Variants in ERBB4 observed in about 807,000 individuals in gnomAD.
ERBB4 encodes the protein erb-b2 receptor tyrosine kinase 4.
A neutral mutation model predicts 158.0 loss-of-function variants in ERBB4; 42 were observed. The ratio of observed to expected loss-of-function variants is 0.27; its 90% CI spans 0.21 to 0.34. The LOEUF is 0.34. Among genes scored for constraint, ERBB4 ranks in the 10% least tolerant of loss-of-function variants. The probability of loss-of-function intolerance (pLI) is 1.00; values close to 1 mark genes in which losing one functional copy is unlikely to be tolerated. For synonymous variants in ERBB4, 583 were observed against 558.7 expected (o/e 1.04, Z -0.61); for missense variants, 1,333 against 1,624.1 (o/e 0.82, Z 3.08).
intron 2 of ERBB4, among the ~76,000 whole-genome samples, chr2:212,060,712 A>T (rs979743893): frequency 6.7e-6 from 1 of 150,164 alleles, no homozygotes; most frequent in African/African-American, 2.4e-5. Context: ...TCTCAAGGAT[A>T]AAAAACCAAA....
intron 2 of ERBB4, among the ~76,000 whole-genome samples, chr2:211,965,387 CATT>C (rs2081285448): frequency 6.6e-6 from 1 of 152,072 alleles, no homozygotes; most frequent in Non-Finnish European, 1.5e-5. Flanking sequence ...AATCTATATT[CATT>C]TTTTAAATTA....
chr2:211,759,806 A>AGAGTGT (rs1415732037), intron 4 of ERBB4, among the ~76,000 whole-genome samples: 1 of 149,938 alleles, frequency 6.7e-6, no homozygotes, highest in African/African-American at 2.5e-5. Flanking sequence ...CATTTTCTAG[A>AGAGTGT]GTGTGTGTGT....
At chr2:211,439,380 A>G (rs2063925748) in intron 20 of ERBB4, among the ~76,000 whole-genome samples, 1 of 152,184 alleles carries the variant, frequency 6.6e-6, no homozygotes, top group African/African-American at 2.4e-5. Flanking sequence ...GAATCCAGCA[A>G]AATTAAAGAG....
Position 211,748,483 on chromosome 2 carries a change from A to G in ERBB4, c.622+2156T>C, listed in dbSNP as rs150240023. Among the ~76,000 whole-genome samples, 247 of 152,314 alleles carry G rather than the reference A, an allele frequency of 1.6e-3. 2 individuals carry two copies. Among genetic ancestry groups the G allele is most frequent in the African/African-American group, 5.6e-3 (234 of 41,580 alleles). On this transcript the variant is annotated intron_variant, in intron 5 of 27. Coordinates refer to ENST00000342788, the MANE Select transcript of ERBB4 (RefSeq NM_005235.3). The stretch of plus-strand genomic sequence containing the variant: ...TCTAGCACTGGAGGAACAACACAAC[A>G]GCAGGGTGTCTTAAGTGCCCCTACT...
intron 5 of ERBB4, among the ~76,000 whole-genome samples, chr2:211,725,997 G>C (rs1331186714): frequency 2.6e-5 from 4 of 152,098 alleles, no homozygotes; most frequent in African/African-American, 4.8e-5. Flanking sequence ...CAATACGAAA[G>C]GCTATCCATC....
At chr2:212,327,425 T>C (rs1286474662) in intron 1 of ERBB4, among the ~76,000 whole-genome samples, 2 of 151,908 alleles carry the variant, frequency 1.3e-5, no homozygotes, top group African/African-American at 4.8e-5. Flanking sequence ...AGTTATGGAC[T>C]CTGAGACTAA....
At chr2:212,194,912 C>T (rs1246294364) in intron 1 of ERBB4, among the ~76,000 whole-genome samples, 1 of 151,720 alleles carries the variant, frequency 6.6e-6, no homozygotes, top group African/African-American at 2.4e-5. Flanking sequence ...TGTTGATAAA[C>T]AATAAACAAC....
intron 2 of ERBB4, among the ~76,000 whole-genome samples, chr2:211,954,038 A>G (rs565736885): frequency 3.9e-5 from 6 of 152,166 alleles, no homozygotes; most frequent in Non-Finnish European, 1.5e-5. Flanking sequence ...AGATCATTTC[A>G]GAAAAATCAG....
intron 1 of ERBB4, among the ~76,000 whole-genome samples, chr2:212,274,588 C>T (rs947988152): frequency 6.6e-6 from 1 of 151,710 alleles, no homozygotes; most frequent in Non-Finnish European, 1.5e-5. Context: ...AATATGGCAC[C>T]TTAACATTAG....
intron 16 of ERBB4, among the ~76,000 whole-genome samples, chr2:211,642,807 T>C (rs1179015695): frequency 6.6e-6 from 1 of 151,986 alleles, no homozygotes; most frequent in Non-Finnish European, 1.5e-5. Context: ...CCAACAACAA[T>C]CTCAGAGCTC....
At chr2:212,499,216 T>C (rs1161237463) in intron 1 of ERBB4, among the ~76,000 whole-genome samples, 1 of 152,070 alleles carries the variant, frequency 6.6e-6, no homozygotes, top group Non-Finnish European at 1.5e-5. Context: ...TGAGGGACTC[T>C]ACAGTCTAAA....
At chr2:211,830,280 G>A (rs893486543) in intron 3 of ERBB4, among the ~76,000 whole-genome samples, 2 of 152,024 alleles carry the variant, frequency 1.3e-5, no homozygotes, top group Non-Finnish European at 2.9e-5. Context: ...TAACTTGAGG[G>A]CATCATCAGT....
intron 3 of ERBB4, among the ~76,000 whole-genome samples, chr2:211,928,774 TTGAAG>T: frequency 6.6e-6 from 1 of 152,212 alleles, no homozygotes; most frequent in South Asian, 2.1e-4. Context: ...TTATAGAAAG[TTGAAG>T]TGTTCTTGTC....
intron 5 of ERBB4, among the ~76,000 whole-genome samples, chr2:211,728,732 A>G (rs140045205): frequency 7.9e-5 from 12 of 152,000 alleles, no homozygotes; most frequent in South Asian, 2.1e-4. Context: ...GGAGTCAACA[A>G]TCTTATAAGT....
At chr2:212,429,512 C>A (rs748951654) in intron 1 of ERBB4, among the ~76,000 whole-genome samples, 2 of 152,196 alleles carry the variant, frequency 1.3e-5, no homozygotes, top group Non-Finnish European at 2.9e-5. Context: ...GAATCCCCCT[C>A]TAAAATTTCA....
chr2:211,559,504 T>C (rs1319909947), intron 20 of ERBB4, among the ~76,000 whole-genome samples: 9 of 152,224 alleles, frequency 5.9e-5, no homozygotes. Context: ...CCTAAAATTA[T>C]TCCACTTGGA....
Position 212,192,047 on chromosome 2 carries a change from T to TATATTATATGTTATAA in ERBB4, c.83-67145_83-67144insTTATAACATATAATAT, listed in dbSNP as rs1559707798. 2.7e-3 allele frequency among the ~76,000 whole-genome samples: 237 copies of TATATTATATGTTATAA among 87,408 alleles called. 3 individuals are homozygous for TATATTATATGTTATAA. The highest frequency in any genetic ancestry group is 3.8e-3 in the Non-Finnish European group (152 of 39,852). 57.3% of individuals were successfully genotyped at this position (87,408 alleles called of 152,430 possible). A position where few individuals can be genotyped will look rare whatever the true frequency, so the allele number is the denominator to read the frequency against. Reference sequence around the variant, plus strand: ...TTATATATGTTATATGTTATATATATGTTATATGTTATATATGTTATATGT... The same window carrying TATATTATATGTTATAA: ...TTATATATGTTATATGTTATATATATATATTATATGTTATAAGTTATATGTTATATATGTTATATGT... On this transcript the variant is annotated intron_variant, in intron 1 of 27. Transcript: ENST00000342788.
At chr2:212,410,142 A>G (rs984350708) in intron 1 of ERBB4, among the ~76,000 whole-genome samples, 3 of 152,062 alleles carry the variant, frequency 2.0e-5, no homozygotes, top group Non-Finnish European at 2.9e-5. Context: ...CAGCTATACA[A>G]TGTAATCACC....
chr2:212,084,235 A>G (rs1322090583), intron 2 of ERBB4, among the ~76,000 whole-genome samples: 1 of 152,008 alleles, frequency 6.6e-6, no homozygotes, highest in African/African-American at 2.4e-5. Context: ...CGGACAACTC[A>G]ACAAATTAGC....
Sources: gnomAD v4.1 joint callset for allele counts (sites outside exome capture counted in the v4.1 genomes callset) on GRCh38, gnomAD v4.1.1 for gene constraint, MANE v1.5 for transcripts, NCBI Gene and HGNC (gene_info 2026-07-23, HGNC 2026-07-21) for gene names.